Variants in TTBK1 observed in about 807,000 individuals in gnomAD.
TTBK1 encodes the protein tau-tubulin kinase 1.
TTBK1 carries 34 observed loss-of-function variants against 108.5 expected under a neutral mutation model. That is an observed-to-expected ratio of 0.31 (90% CI 0.24 to 0.42). TTBK1 has a LOEUF of 0.42. Ranked by LOEUF, TTBK1 falls within the 10% of genes least tolerant of loss-of-function variation. The pLI, the probability that TTBK1 is intolerant of heterozygous loss-of-function variation, is 1.00. For synonymous variants in TTBK1, 809 were observed against 795.1 expected, an observed-to-expected ratio of 1.02 and a Z score of -0.29; for missense variants, 1,539 against 1,826.0, an observed-to-expected ratio of 0.84 and a Z score of 2.86.
chr6:43,259,235 T>A lies in TTBK1; in HGVS notation c.1214T>A (p.Val405Asp), dbSNP rs1202923377. ...GCTGAAGTCTGGGAGGAGACAGATG[T>A]CAACCGGAACAAACTCCGGATCAAC... ...PEAEVWEETDVNRNKLRINIG... is the reference protein window; with the variant it reads ...PEAEVWEETDDNRNKLRINIG... The change falls in exon 11 of 15, where the codon GTC (valine) becomes GAC (aspartate). Residue 405 changes from valine to aspartate, a missense_variant. Physicochemically the swap from Val to Asp is radical, Grantham distance 152. This residue lies in a region of TTBK1 where 277 missense variants were observed against 332.4 expected (regional missense o/e 0.83). Transcript: ENST00000259750. This position sits in a 1 kb window ranked among gnomAD's most constrained non-coding sequence, Gnocchi z 6.7. 2 of 1,576,616 alleles carry A rather than the reference T, an allele frequency of 1.3e-6. No individual in the cohort carries two copies. Among genetic ancestry groups the A allele is most frequent in the African/African-American group, 2.7e-5 (2 of 73,546 alleles).
intron 13 of TTBK1, among the ~76,000 whole-genome samples, chr6:43,274,593 G>C (rs984522802): frequency 5.9e-5 from 9 of 152,006 alleles, no homozygotes; most frequent in African/African-American, 2.4e-5. Flanking sequence ...GGTTGATGTG[G>C]TACTTGGGGA....
rs957398102 is a variant in TTBK1, at chr6:43,265,380, T to C, written c.1986+2030T>C. Among the ~76,000 whole-genome samples the C allele has an allele frequency of 1.3e-5, 2 of 152,142 alleles. No individual in the cohort carries two copies. The highest frequency in any genetic ancestry group is 2.4e-5 in the African/African-American group (1 of 41,422). On this transcript the variant is annotated intron_variant, in intron 13 of 14. Coordinates refer to ENST00000259750, the MANE Select transcript of TTBK1 (RefSeq NM_032538.3). The surrounding 1 kb of genome is among the most constrained non-coding windows in gnomAD (Gnocchi z 4.1). ...GAGGTCCCTTCTAGAAGAGAGGACCTCTGAGCTGTGATCCTGGGGAGTATG... is the reference window on the plus strand; with the variant it reads ...GAGGTCCCTTCTAGAAGAGAGGACCCCTGAGCTGTGATCCTGGGGAGTATG...
At chr6:43,270,845 C>T in intron 13 of TTBK1, 1 of 985,518 alleles carries the variant, frequency 1.0e-6, no homozygotes, top group Non-Finnish European at 1.2e-6. Flanking sequence ...TGCTTGTCAG[C>T]AAAACCAGTG....
intron 13 of TTBK1, among the ~76,000 whole-genome samples, chr6:43,267,532 A>G (rs972750994): frequency 1.1e-4 from 17 of 151,964 alleles, no homozygotes; most frequent in African/African-American, 4.1e-4. Flanking sequence ...AGCACCTACA[A>G]CTCTGTCACC....
rs1777641365 is a variant in TTBK1 at position 43,265,126 on chromosome 6, G to T, written c.1986+1776G>T. 6.6e-6 allele frequency among the ~76,000 whole-genome samples: 1 copy of T among 152,212 alleles called. No individual in the cohort carries two copies. The highest frequency in any genetic ancestry group is 1.5e-5 in the Non-Finnish European group (1 of 68,046). On this transcript the variant is annotated intron_variant, in intron 13 of 14. Transcript: ENST00000259750. The surrounding 1 kb of genome is among the most constrained non-coding windows in gnomAD (Gnocchi z 4.1). ...GTCCATGAACCCACAGAGGGGCTGG[G>T]GAGAGTCATGGAGGGGATGCCGGAA...
In TTBK1 at chr6:43,259,665, G is replaced by C. The variant is rs1416350761; in HGVS notation, c.1383G>C (p.Arg461Ser). Residue 461 changes from arginine (R) to serine (S), a missense_variant, in exon 12 of 15, where the codon AGG (arginine) becomes AGC (serine). By Grantham distance (110) the Arg-to-Ser change is moderately radical. This residue lies in a region of TTBK1 where 277 missense variants were observed against 332.4 expected (regional missense o/e 0.83). Coordinates refer to ENST00000259750, the MANE Select transcript of TTBK1 (RefSeq NM_032538.3). The surrounding 1 kb of genome is among the most constrained non-coding windows in gnomAD (Gnocchi z 6.7). ...GGGTGAACAGCCCTGAGTCAGAAAG[G>C]CTGTCCACGGCGGACGGGCGAGTGG... ...YRRVNSPESE[R>S]LSTADGRVEL... The C allele has an allele frequency of 1.2e-6, 2 of 1,606,212 alleles. No individual in the cohort carries two copies. Among genetic ancestry groups the C allele is most frequent in the Admixed American group, 1.7e-5 (1 of 59,116 alleles).
At position 43,255,114 on chromosome 6, in the gene TTBK1, G is replaced by A. The variant is rs777567274; in HGVS notation, c.642G>A (p.Arg214=). The change falls in exon 7 of 15, where the codon CGG becomes CGA. Residue 214 remains arginine (R), a splice_region_variant and synonymous_variant. Coordinates refer to ENST00000259750, the MANE Select transcript of TTBK1 (RefSeq NM_032538.3). ...RYASVNAHKN[R]EMGRHDDLWS... ...CCTCAGTCAATGCCCACAAGAACCG[G>A]GTGAGTGGCAAAGCCCGGGATGCAG... The A allele has an allele frequency of 2.5e-6, 4 of 1,613,418 alleles. No homozygotes were observed. The East Asian group carries it at 8.9e-5, about 36-fold the overall frequency.
chr6:43,252,662 A>G, intron 2 of TTBK1, 77 bp from the exon 3 acceptor site: 1 of 1,529,684 alleles, frequency 6.5e-7, no homozygotes, highest in Non-Finnish European at 8.9e-7. Context: ...CCAATGAAGG[A>G]TGCAACCAAG....
intron 13 of TTBK1, among the ~76,000 whole-genome samples, chr6:43,280,454 G>A (rs993075821): frequency 1.3e-5 from 2 of 152,212 alleles, no homozygotes; most frequent in Admixed American, 6.5e-5. Context: ...TTGCTTATAT[G>A]ACCTCATTTA....
chr6:43,263,188 G>T lies in TTBK1; in HGVS notation c.1824G>T (p.Leu608=). The T allele has an allele frequency of 6.3e-7, 1 of 1,580,914 alleles. No homozygotes were observed. The highest frequency in any genetic ancestry group is 8.6e-7 in the Non-Finnish European group (1 of 1,163,222). Residue 608 remains leucine, a synonymous_variant, in exon 13 of 15, where the codon CTG becomes CTT. Coordinates refer to ENST00000259750, the MANE Select transcript of TTBK1 (RefSeq NM_032538.3). The surrounding 1 kb of genome is among the most constrained non-coding windows in gnomAD (Gnocchi z 4.7). ...TGCAGGCGCTGGCGGAGGAGGACCT[G>T]CAGCATTTGCCGCCCCAGCCCCTGC... ...RSMQALAEED[L]QHLPPQPLPP...
At position 43,285,070 on chromosome 6, in the gene TTBK1, A is replaced by C. The variant is rs766003342; in HGVS notation, c.3660A>C (p.Arg1220=). The C allele has an allele frequency of 9.6e-5, 143 of 1,493,638 alleles. 1 individual carries two copies. In the East Asian group the frequency reaches 3.6e-3, roughly 37 times the overall value. The allele number at this position is 1,493,638 out of a possible 1,614,324, so 92.5% of individuals were successfully genotyped here. ...QPPGRGLGPG[R]AQAGARPPAP... ...CTGGCCGCGGCCTGGGCCCAGGGCG[A>C]GCCCAAGCCGGAGCCAGGCCCCCAG... The change falls in exon 15 of 15, where the codon CGA becomes CGC. Residue 1220 remains arginine (R), a synonymous_variant. Coordinates refer to ENST00000259750, the MANE Select transcript of TTBK1 (RefSeq NM_032538.3). The surrounding 1 kb of genome is among the most constrained non-coding windows in gnomAD (Gnocchi z 4.7).
chr6:43,263,180 G>A lies in TTBK1; in HGVS notation c.1816G>A (p.Glu606Lys), dbSNP rs1195393835. The A allele has an allele frequency of 4.4e-6, 7 of 1,580,092 alleles. No individual in the cohort carries two copies. The highest frequency in any genetic ancestry group is 1.2e-5 in the South Asian group (1 of 86,808). Residue 606 changes from glutamate (E) to lysine (K), a missense_variant, in exon 13 of 15, where the codon GAG becomes AAG. Glu to Lys is a moderately conservative substitution (Grantham distance 56). Transcript: ENST00000259750. This position sits in a 1 kb window ranked among gnomAD's most constrained non-coding sequence, Gnocchi z 4.7. ...RGRSMQALAE[E>K]DLQHLPPQPL... The stretch of plus-strand genomic sequence containing the variant: ...ACGCAGCATGCAGGCGCTGGCGGAG[G>A]AGGACCTGCAGCATTTGCCGCCCCA...
At chr6:43,271,284 G>T (rs1239878331) in intron 13 of TTBK1, 1 of 985,382 alleles carries the variant, frequency 1.0e-6, no homozygotes, top group Admixed American at 6.1e-5. Context: ...GTGCATAAGA[G>T]TGTGCTTACG....
intron 9 of TTBK1, 74 bp downstream of exon 9, chr6:43,255,930 C>T: frequency 1.3e-6 from 2 of 1,572,404 alleles, no homozygotes; most frequent in Non-Finnish European, 1.7e-6. Context: ...AGACCTCGCT[C>T]CTGCTGAGGC....
At position 43,273,234 on chromosome 6, in the gene TTBK1, C is replaced by T. The variant is rs1777881739; in HGVS notation, c.1987-9493C>T. Among the ~76,000 whole-genome samples, 1 of 152,188 alleles carries T rather than the reference C, an allele frequency of 6.6e-6. No individual in the cohort carries two copies. The highest frequency in any genetic ancestry group is 2.4e-5 in the African/African-American group (1 of 41,434). Reference sequence around the variant, plus strand: ...GACAGAGTTTGTGAAACATCTTGGTCTATGTATTGGTTGATTGATTGTCCT... The same window carrying T: ...GACAGAGTTTGTGAAACATCTTGGTTTATGTATTGGTTGATTGATTGTCCT... On this transcript the variant is annotated intron_variant, in intron 13 of 14. Coordinates refer to ENST00000259750, the MANE Select transcript of TTBK1 (RefSeq NM_032538.3). This position sits in a 1 kb window ranked among gnomAD's most constrained non-coding sequence, Gnocchi z 4.2.
In TTBK1 at chr6:43,255,130, C is replaced by T. The variant is rs373350042; in HGVS notation, c.642+16C>T. 3.1e-5 allele frequency: 41 copies of T among 1,341,024 alleles called. No homozygotes were observed. The East Asian group carries it at 4.2e-4, about 14-fold the overall frequency. 83.1% of individuals were successfully genotyped at this position (1,341,024 alleles called of 1,614,324 possible). ...CAAGAACCGGGTGAGTGGCAAAGCC[C>T]GGGATGCAGGATGTGGAGGTGGGAG... On this transcript the variant is annotated intron_variant, in intron 7 of 14. Transcript: ENST00000259750.
At position 43,268,569 on chromosome 6, in the gene TTBK1, A is replaced by C. The variant is rs543157293; in HGVS notation, c.1986+5219A>C. Among the ~76,000 whole-genome samples, 31 of 152,274 alleles carry C rather than the reference A, an allele frequency of 2.0e-4. 1 individual carries two copies. In the South Asian group the frequency reaches 6.4e-3, roughly 32 times the overall value. On this transcript the variant is annotated intron_variant, in intron 13 of 14. Transcript: ENST00000259750. ...TTGCTGCTGCTGTAAAAGCTATTTC[A>C]ACTGGCCTCTGTCTCAGGAAGAGAG...
intron 13 of TTBK1, among the ~76,000 whole-genome samples, chr6:43,277,053 A>G (rs1188365313): frequency 6.6e-6 from 1 of 152,160 alleles, no homozygotes; most frequent in Non-Finnish European, 1.5e-5. Context: ...CCCAGTGATC[A>G]GTTCTGTATG....
rs1196616806 is a variant in TTBK1 at position 43,259,300 on chromosome 6, G to A, written c.1248+31G>A. ...TGCCGCCAGGGCGAAGGGCGTGGGT[G>A]GCCTTTTCTCTCACCCCCGATTCCC... On this transcript the variant is annotated intron_variant, in intron 11 of 14. Transcript: ENST00000259750. The surrounding 1 kb of genome is among the most constrained non-coding windows in gnomAD (Gnocchi z 6.7). 1 of 1,514,110 alleles carries A rather than the reference G, an allele frequency of 6.6e-7. No individual in the cohort carries two copies. Among genetic ancestry groups the A allele is most frequent in the Non-Finnish European group, 8.9e-7 (1 of 1,125,988 alleles). The allele number at this position is 1,514,110 out of a possible 1,614,324, so 93.8% of individuals were successfully genotyped here.
Sources: allele counts gnomAD v4.1 joint callset (sites outside exome capture counted in the v4.1 genomes callset), GRCh38; gene constraint gnomAD v4.1.1; regional missense constraint gnomAD v4.1.1; non-coding constraint Gnocchi (gnomAD v3.1); transcripts MANE v1.5; gene names NCBI Gene and HGNC (gene_info 2026-07-23, HGNC 2026-07-21).